Variants in BIRC6 observed in about 807,000 individuals in gnomAD.
BIRC6 encodes the protein dual E2 ubiquitin-conjugating enzyme/E3 ubiquitin-protein ligase BIRC6.
BIRC6 carries 98 observed loss-of-function variants against 503.3 expected under a neutral mutation model. The ratio of observed to expected loss-of-function variants is 0.19; its 90% CI spans 0.17 to 0.23. The LOEUF (loss-of-function observed/expected upper bound fraction) is 0.23. Ranked by LOEUF, BIRC6 falls within the 10% of genes least tolerant of loss-of-function variation. The probability of loss-of-function intolerance (pLI) is 1.00; values close to 1 mark genes in which losing one functional copy is unlikely to be tolerated. For synonymous variants in BIRC6, 2,240 were observed against 2,078.7 expected (o/e 1.08, Z -2.11); for missense variants, 5,360 against 5,806.0 (o/e 0.92, Z 2.50).
At chr2:32,556,125 G>GT (rs2150541572) in intron 65 of BIRC6, among the ~76,000 whole-genome samples, 1 of 152,174 alleles carries the variant, frequency 6.6e-6, no homozygotes, top group African/African-American at 2.4e-5. Context: ...TATCTATAAC[G>GT]TAAGTGCTTA....
At chr2:32,379,452 T>A (rs1351795048) in intron 2 of BIRC6, 4 of 152,224 alleles carry the variant, frequency 2.6e-5, no homozygotes, top group African/African-American at 9.6e-5. Flanking sequence ...CCTACTACAG[T>A]GAAATGCTGT....
At position 32,586,819 on chromosome 2, in the gene BIRC6, TC is replaced by T. The variant is rs139582748; in HGVS notation, c.13356-7095del. 1.9e-3 allele frequency among the ~76,000 whole-genome samples: 292 copies of T among 152,304 alleles called. 1 individual carries two copies. Among genetic ancestry groups the T allele is most frequent in the Non-Finnish European group, 3.4e-3 (230 of 68,034 alleles). ...GGGCACATTACATTTAGTAACTTGT[TC>T]ATATTATCTATAGATTTTAGCATTC... On this transcript the variant is annotated intron_variant, in intron 66 of 73. Coordinates refer to ENST00000421745, the MANE Select transcript of BIRC6 (RefSeq NM_016252.4).
At position 32,617,796 on chromosome 2, in the gene BIRC6, C is replaced by G. The variant is rs148728804; in HGVS notation, c.14466C>G (p.Asp4822Glu). Reference protein sequence around the residue: ...PCPEGLDPDTDDAPEVCRATT... With the variant: ...PCPEGLDPDTEDAPEVCRATT... ...CTGAAGGCTTGGATCCTGACACTGA[C>G]GATGCCCCAGAGGTGTGCAGAGCCA... The change falls in exon 74 of 74, where the codon GAC becomes GAG. Residue 4822 changes from aspartate (D) to glutamate (E), a missense_variant. Asp to Glu is a conservative substitution (Grantham distance 45). This residue lies in a region of BIRC6 where 140 missense variants were observed against 130.2 expected (regional missense o/e 1.07). Transcript: ENST00000421745. 4 of 1,613,978 alleles carry G rather than the reference C, an allele frequency of 2.5e-6. No individual in the cohort carries two copies. Among genetic ancestry groups the G allele is most frequent in the African/African-American group, 2.7e-5 (2 of 75,056 alleles).
intron 26 of BIRC6, among the ~76,000 whole-genome samples, chr2:32,465,386 A>G (rs144187102): frequency 6.6e-6 from 1 of 151,422 alleles, no homozygotes; most frequent in Non-Finnish European, 1.5e-5. Context: ...GATTTGATCT[A>G]TATATGAATC....
intron 23 of BIRC6, among the ~76,000 whole-genome samples, chr2:32,456,419 T>C (rs893684708): frequency 6.6e-6 from 1 of 152,248 alleles, no homozygotes; most frequent in Non-Finnish European, 1.5e-5. Context: ...TATTGGTTTG[T>C]ATACTGCTGA....
intron 10 of BIRC6, among the ~76,000 whole-genome samples, chr2:32,422,658 T>C (rs1338221221): frequency 6.6e-6 from 1 of 152,210 alleles, no homozygotes; most frequent in Non-Finnish European, 1.5e-5. Context: ...TTTCAACATA[T>C]TTTATTGATT....
At chr2:32,397,247 G>T in intron 6 of BIRC6, among the ~76,000 whole-genome samples, 1 of 151,540 alleles carries the variant, frequency 6.6e-6, no homozygotes. Flanking sequence ...GAGGCGGGTG[G>T]ATCACCTGAG....
intron 65 of BIRC6, among the ~76,000 whole-genome samples, chr2:32,559,460 A>G (rs896433179): frequency 3.3e-5 from 5 of 152,222 alleles, no homozygotes; most frequent in Admixed American, 1.3e-4. Context: ...ATTTGAAGAC[A>G]TCTAAGGGTT....
intron 69 of BIRC6, 127 bp downstream of exon 69, chr2:32,598,095 A>G (rs1230011039): frequency 1.1e-6 from 1 of 914,540 alleles, no homozygotes. Context: ...TTTGGTGACC[A>G]TTTTTAGACG....
rs2033294878 is a variant in BIRC6, at chr2:32,357,611, C to A, written c.325+125C>A. 3 of 1,434,580 alleles carry A rather than the reference C, an allele frequency of 2.1e-6. No individual in the cohort carries two copies. The highest frequency in any genetic ancestry group is 9.1e-7 in the Non-Finnish European group (1 of 1,098,480). 88.9% of individuals were successfully genotyped at this position (1,434,580 alleles called of 1,614,324 possible). The stretch of plus-strand genomic sequence containing the variant: ...GCAGGGCTGGGGGTTCGGGCCCAGC[C>A]GTGAAGGGAGGCCCGGAAGCTGATG... On this transcript the variant is annotated intron_variant, in intron 1 of 73. Coordinates refer to ENST00000421745, the MANE Select transcript of BIRC6 (RefSeq NM_016252.4). This position sits in a 1 kb window ranked among gnomAD's most constrained non-coding sequence, Gnocchi z 4.9.
chr2:32,610,595 C>A (rs149380883), intron 72 of BIRC6, among the ~76,000 whole-genome samples: 3 of 152,244 alleles, frequency 2.0e-5, no homozygotes, highest in African/African-American at 7.2e-5. Flanking sequence ...TCTCTGTTGT[C>A]AATACTTTTT....
chr2:32,580,335 G>C (rs1215351237), intron 66 of BIRC6, among the ~76,000 whole-genome samples: 1 of 152,122 alleles, frequency 6.6e-6, no homozygotes, highest in Non-Finnish European at 1.5e-5. Context: ...ATCCAGATTT[G>C]GAGGCCTAAA....
At chr2:32,411,732 G>A (rs1200443288) in intron 9 of BIRC6, among the ~76,000 whole-genome samples, 1 of 151,856 alleles carries the variant, frequency 6.6e-6, no homozygotes, top group African/African-American at 2.4e-5. Flanking sequence ...GCCTGCCTTG[G>A]CCTCCCAAAG....
chr2:32,550,220 A>G (rs1224554257), intron 65 of BIRC6, among the ~76,000 whole-genome samples: 3 of 152,112 alleles, frequency 2.0e-5, no homozygotes, highest in Non-Finnish European at 4.4e-5. Flanking sequence ...TGTATATTTC[A>G]TTAATTTATT....
Position 32,436,140 on chromosome 2 carries a change from G to T in BIRC6, c.3587G>T (p.Gly1196Val), listed in dbSNP as rs371527317. The change falls in exon 15 of 74, where the codon GGG becomes GTG. Residue 1196 changes from glycine to valine, a missense_variant. By Grantham distance (109) the Gly-to-Val change is moderately radical. Transcript: ENST00000421745. ...VWLASGLDLS[G>V]HAGMLTLTSP... ...CTTGCTAGTGGCCTTGATCTATCAG[G>T]GCATGCTGGAATGTTGACGTTAACA... is the stretch of plus-strand genomic sequence containing the variant. 6.5e-5 allele frequency: 97 copies of T among 1,483,238 alleles called. No individual in the cohort carries two copies. Among genetic ancestry groups the T allele is most frequent in the Non-Finnish European group, 7.7e-5 (85 of 1,101,464 alleles). 91.9% of individuals were successfully genotyped at this position (1,483,238 alleles called of 1,614,324 possible).
At chr2:32,397,008 G>A (rs574901595) in intron 6 of BIRC6, among the ~76,000 whole-genome samples, 3 of 152,224 alleles carry the variant, frequency 2.0e-5, no homozygotes, top group South Asian at 2.1e-4. Flanking sequence ...GATTACAGGC[G>A]TGAGCCACTG....
In BIRC6 at chr2:32,469,478, A is replaced by T; in HGVS notation, c.6211A>T (p.Thr2071Ser). 1 of 1,613,900 alleles carries T rather than the reference A, an allele frequency of 6.2e-7. No individual in the cohort carries two copies. Among genetic ancestry groups the T allele is most frequent in the East Asian group, 2.2e-5 (1 of 44,876 alleles). Reference protein sequence around the residue: ...ELFKHLCISGTPKIRLHTGLL... With the variant: ...ELFKHLCISGSPKIRLHTGLL... Reference sequence around the variant, plus strand: ...CTTTAAACACTTGTGCATCAGTGGAACCCCAAAGATACGGTTACATACTGG... The same window carrying T: ...CTTTAAACACTTGTGCATCAGTGGATCCCCAAAGATACGGTTACATACTGG... Residue 2071 changes from threonine to serine, a missense_variant, in exon 30 of 74, where the codon ACC becomes TCC. This residue lies in a region of BIRC6 where 2,299 missense variants were observed against 2,267.2 expected (regional missense o/e 1.01). Coordinates refer to ENST00000421745, the MANE Select transcript of BIRC6 (RefSeq NM_016252.4).
At chr2:32,581,150 T>C (rs554972504) in intron 66 of BIRC6, among the ~76,000 whole-genome samples, 6 of 152,302 alleles carry the variant, frequency 3.9e-5, no homozygotes, top group Non-Finnish European at 7.3e-5. Flanking sequence ...ATCTTTTGTA[T>C]TAAGGTCCTG....
intron 12 of BIRC6, among the ~76,000 whole-genome samples, chr2:32,432,585 C>T (rs938224700): frequency 2.0e-5 from 3 of 151,494 alleles, no homozygotes; most frequent in Admixed American, 6.6e-5. Context: ...AGGGAGACCT[C>T]GTCTCTATAA....
Sources: allele counts gnomAD v4.1 joint callset (sites outside exome capture counted in the v4.1 genomes callset), GRCh38; gene constraint gnomAD v4.1.1; regional missense constraint gnomAD v4.1.1; non-coding constraint Gnocchi (gnomAD v3.1); transcripts MANE v1.5; gene names NCBI Gene and HGNC (gene_info 2026-07-23, HGNC 2026-07-21).